PSG3: variants seen among roughly 807,000 people sequenced by gnomAD.
PSG3 encodes pregnancy-specific beta-1-glycoprotein 3.
PSG3 carries 61 observed loss-of-function variants against 47.5 expected under a neutral mutation model. That is an observed-to-expected ratio of 1.28 (90% CI 1.05 to 1.59). The LOEUF is 1.59. Among genes scored for constraint, PSG3 ranks in the 40% most tolerant of loss-of-function variants. The pLI, the probability that PSG3 is intolerant of heterozygous loss-of-function variation, is 0.00. For synonymous variants in PSG3, 263 were observed against 198.4 expected, an observed-to-expected ratio of 1.33 and a Z score of -2.74; for missense variants, 756 against 524.0, an observed-to-expected ratio of 1.44 and a Z score of -4.32.
At position 42,732,844 on chromosome 19, in the gene PSG3, A is replaced by G; in HGVS notation, c.649T>C (p.Cys217Arg). The G allele has an allele frequency of 6.2e-7, 1 of 1,614,158 alleles. No homozygotes were observed. The highest frequency in any genetic ancestry group is 8.5e-7 in the Non-Finnish European group (1 of 1,180,026). Residue 217 changes from cysteine to arginine, a missense_variant, in exon 3 of 7, where the codon TGT becomes CGT. Cys to Arg is a radical substitution (Grantham distance 180). Coordinates refer to ENST00000327495, the MANE Select transcript of PSG3 (RefSeq NM_021016.4). ...GCACTCACTGGGTTCCGTATTTCAC[A>G]TTCATAGGGTCCTGCAGTGTACTTT... ...VTKYTAGPYE[C>R]EIRNPVSASR...
chr19:42,721,957 G>T lies in PSG3; in HGVS notation c.*174C>A. 4.8e-6 allele frequency: 2 copies of T among 415,998 alleles called. No homozygotes were observed. The highest frequency in any genetic ancestry group is 7.1e-5 in the East Asian group (2 of 28,022). The allele number at this position is 415,998 out of a possible 1,614,324, so 25.8% of individuals were successfully genotyped here. A position where few individuals can be genotyped will look rare whatever the true frequency, so the allele number is the denominator to read the frequency against. Reference sequence around the variant, plus strand: ...AATTTTGAAAGTTCTTAGTCCAGTGGTATGATCTTGAAGTTATCAGGAACT... The same window carrying T: ...AATTTTGAAAGTTCTTAGTCCAGTGTTATGATCTTGAAGTTATCAGGAACT... On this transcript the variant is annotated 3_prime_UTR_variant, in exon 7 of 7. Coordinates refer to ENST00000327495, the MANE Select transcript of PSG3 (RefSeq NM_021016.4).
At chr19:42,733,166 G>C in intron 2 of PSG3, 104 bp from the exon 3 acceptor site, 3 of 1,526,494 alleles carry the variant, frequency 2.0e-6, no homozygotes, top group South Asian at 1.3e-5. Context: ...GCCCACCCAA[G>C]TCCTTAAAAG....
Position 42,738,618 on chromosome 19 carries a change from A to T in PSG3, c.430+106T>A, listed in dbSNP as rs1969606297. 8 of 1,599,644 alleles carry T rather than the reference A, an allele frequency of 5.0e-6. No homozygotes were observed. The South Asian group carries it at 6.7e-5, about 13-fold the overall frequency. ...CTAAATGCCCAAACCCCAGCATGGG[A>T]CATAATGCAGAGAGGGACACAGGCA... On this transcript the variant is annotated intron_variant, in intron 2 of 6. Coordinates refer to ENST00000327495, the MANE Select transcript of PSG3 (RefSeq NM_021016.4).
chr19:42,733,244 G>A (rs1261526331), intron 2 of PSG3, 182 bp from the exon 3 acceptor site: 4 of 1,314,580 alleles, frequency 3.0e-6, no homozygotes, highest in Admixed American at 5.2e-5. Flanking sequence ...TTGTGAGGCT[G>A]CCTGCTTCGT....
intron 5 of PSG3, among the ~76,000 whole-genome samples, chr19:42,727,878 A>C (rs559195574): frequency 1.3e-5 from 2 of 152,368 alleles, no homozygotes; most frequent in African/African-American, 4.8e-5. Flanking sequence ...TGAAAAGTCC[A>C]TTGAAAGATA....
intron 3 of PSG3, among the ~76,000 whole-genome samples, chr19:42,731,677 T>C (rs928602190): frequency 6.6e-6 from 1 of 151,778 alleles, no homozygotes; most frequent in Non-Finnish European, 1.5e-5. Context: ...ACTGGGATTC[T>C]GTTAGGTGTT....
intron 1 of PSG3, chr19:42,739,345 C>G: frequency 1.7e-6 from 1 of 599,666 alleles, no homozygotes; most frequent in Non-Finnish European, 2.6e-6. Flanking sequence ...GTTTGGAATC[C>G]TCTTCCCCAG....
intron 2 of PSG3, among the ~76,000 whole-genome samples, chr19:42,736,187 A>T (rs1478728031): frequency 1.3e-5 from 2 of 152,244 alleles, no homozygotes. Flanking sequence ...CAGAGTTTTT[A>T]TAATCCTTGA....
At position 42,732,712 on chromosome 19, in the gene PSG3, T is replaced by A. The variant is rs992493728; in HGVS notation, c.709+72A>T. Reference sequence around the variant, plus strand: ...CTCTGTACTTGGACCTGAGAGGGACTGAGAGGCCTGGCCTCTGGCCACGTG... The same window carrying A: ...CTCTGTACTTGGACCTGAGAGGGACAGAGAGGCCTGGCCTCTGGCCACGTG... On this transcript the variant is annotated intron_variant, in intron 3 of 6. Coordinates refer to ENST00000327495, the MANE Select transcript of PSG3 (RefSeq NM_021016.4). The A allele has an allele frequency of 2.0e-5, 32 of 1,613,974 alleles. No individual in the cohort carries two copies. The African/African-American group carries it at 3.7e-4, about 19-fold the overall frequency.
intron 5 of PSG3, among the ~76,000 whole-genome samples, chr19:42,727,298 G>A (rs116698066): frequency 6.6e-6 from 1 of 152,004 alleles, no homozygotes; most frequent in Non-Finnish European, 1.5e-5. Context: ...ATATATCAAA[G>A]AACACTATCA....
intron 2 of PSG3, chr19:42,733,343 T>C: frequency 1.8e-6 from 1 of 544,142 alleles, no homozygotes; most frequent in East Asian, 3.7e-5. Context: ...CAGCCCCTGG[T>C]GCCTCTCTGA....
intron 2 of PSG3, among the ~76,000 whole-genome samples, chr19:42,737,458 A>G (rs1969584289): frequency 6.6e-6 from 1 of 152,152 alleles, no homozygotes; most frequent in Non-Finnish European, 1.5e-5. Flanking sequence ...CTCTTGTGAC[A>G]GTGACATGGA....
At chr19:42,739,429 C>G in intron 1 of PSG3, 1 of 267,528 alleles carries the variant, frequency 3.7e-6, no homozygotes, top group Non-Finnish European at 7.0e-6. Context: ...TCTTTCCTGA[C>G]GCCTCCTTCA....
chr19:42,735,410 A>C (rs924547997), intron 2 of PSG3, among the ~76,000 whole-genome samples: 4 of 151,898 alleles, frequency 2.6e-5, no homozygotes, highest in Non-Finnish European at 5.9e-5. Context: ...TCTGTCACCT[A>C]GGCTGGAGTG....
At chr19:42,722,232 T>C (rs751592595) in intron 6 of PSG3, 142 bp from the exon 7 acceptor site, 14 of 393,234 alleles carry the variant, frequency 3.6e-5, no homozygotes, top group Admixed American at 1.3e-4. Flanking sequence ...AAATTTCATA[T>C]AATTTTTAGA....
rs1969444928 is a variant in PSG3 at position 42,729,957 on chromosome 19, G to T, written c.809C>A (p.Thr270Asn). 1 of 1,612,058 alleles carries T rather than the reference G, an allele frequency of 6.2e-7. No individual in the cohort carries two copies. Among genetic ancestry groups the T allele is most frequent in the African/African-American group, 1.3e-5 (1 of 74,844 alleles). ...CTGACCATTTAGCCACCAAATGTAG[G>T]TGTAGTTCTCACTCTTAGGTTCACA... ...FTCEPKSENY[T>N]YIWWLNGQSL... Residue 270 changes from threonine (T) to asparagine (N), a missense_variant, in exon 4 of 7, where the codon ACC (threonine) becomes AAC (asparagine). Thr to Asn is a moderately conservative substitution (Grantham distance 65). Coordinates refer to ENST00000327495, the MANE Select transcript of PSG3 (RefSeq NM_021016.4).
chr19:42,733,662 G>A (rs1367709096), intron 2 of PSG3: 1 of 157,004 alleles, frequency 6.4e-6, no homozygotes, highest in Non-Finnish European at 1.4e-5. Flanking sequence ...AGTTTTCCCA[G>A]GTGTCTCATA....
At chr19:42,727,167 C>G (rs1568746964) in intron 5 of PSG3, among the ~76,000 whole-genome samples, 1 of 152,126 alleles carries the variant, frequency 6.6e-6, no homozygotes, top group Non-Finnish European at 1.5e-5. Context: ...AAAAACTATT[C>G]AACTCTTAGA....
chr19:42,734,466 T>C (rs755127286), intron 2 of PSG3, among the ~76,000 whole-genome samples: 11 of 152,142 alleles, frequency 7.2e-5, no homozygotes, highest in Non-Finnish European at 1.2e-4. Flanking sequence ...CCCATAAAAA[T>C]TTGTCAGGAG....
Sources: gnomAD v4.1 joint callset for allele counts (sites outside exome capture counted in the v4.1 genomes callset) on GRCh38, gnomAD v4.1.1 for gene constraint, MANE v1.5 for transcripts, NCBI Gene and HGNC (gene_info 2026-07-23, HGNC 2026-07-21) for gene names.